The following PCMTD1 variants were observed in gnomAD, a reference collection of about 807,000 sequenced individuals.
PCMTD1 encodes the protein protein-L-isoaspartate (D-aspartate) O-methyltransferase domain containing 1.
PCMTD1 carries 12 observed loss-of-function variants against 37.6 expected under a neutral mutation model. The observed-to-expected ratio is 0.32, with a 90% CI of 0.20 to 0.52. PCMTD1 has a LOEUF of 0.52. PCMTD1 is among the 20% of genes least tolerant of loss of function. The probability of loss-of-function intolerance (pLI) is 0.97; values close to 1 mark genes in which losing one functional copy is unlikely to be tolerated. For missense variants in PCMTD1, 235 were observed against 421.3 expected, an observed-to-expected ratio of 0.56 and a Z score of 3.87; for synonymous variants, 117 against 135.8, an observed-to-expected ratio of 0.86 and a Z score of 0.96.
intron 5 of PCMTD1, among the ~76,000 whole-genome samples, chr8:51,825,979 A>G (rs1440820977): frequency 6.6e-6 from 1 of 152,210 alleles, no homozygotes; most frequent in Admixed American, 6.5e-5. Flanking sequence ...ATCTAGAACT[A>G]GAAATAACAT....
At chr8:51,844,838 T>G (rs2038195705) in intron 3 of PCMTD1, 1 of 152,198 alleles carries the variant, frequency 6.6e-6, no homozygotes. Flanking sequence ...GAGGGCCAAC[T>G]CCCAACAAGC....
chr8:51,830,607 G>T (rs1459684931), intron 5 of PCMTD1, among the ~76,000 whole-genome samples: 1 of 152,114 alleles, frequency 6.6e-6, no homozygotes, highest in Non-Finnish European at 1.5e-5. Context: ...TGGCCTGCCT[G>T]CCTTTTTTTC....
chr8:51,894,002 TCAAAA>T (rs2038968760), intron 1 of PCMTD1, among the ~76,000 whole-genome samples: 1 of 152,202 alleles, frequency 6.6e-6, no homozygotes, highest in Admixed American at 6.5e-5. Flanking sequence ...GTTAGAGTAC[TCAAAA>T]CAAATTTAGA....
chr8:51,872,085 G>A (rs955652211), intron 1 of PCMTD1, among the ~76,000 whole-genome samples: 18 of 152,134 alleles, frequency 1.2e-4, no homozygotes, highest in African/African-American at 2.9e-4. Flanking sequence ...CAGTTTTAGC[G>A]TATAATATTT....
intron 1 of PCMTD1, among the ~76,000 whole-genome samples, chr8:51,895,009 T>C (rs1224152782): frequency 6.6e-6 from 1 of 152,160 alleles, no homozygotes; most frequent in Non-Finnish European, 1.5e-5. Flanking sequence ...AATCTGAAGC[T>C]TGGGAATGAA....
At chr8:51,854,875 T>A in intron 2 of PCMTD1, among the ~76,000 whole-genome samples, 1 of 128,772 alleles carries the variant, frequency 7.8e-6, no homozygotes, top group Non-Finnish European at 1.6e-5. Context: ...ACAAGACTTG[T>A]CTCAAAAAAA....
chr8:51,834,062 T>C (rs1231781328), intron 3 of PCMTD1, among the ~76,000 whole-genome samples: 2 of 152,180 alleles, frequency 1.3e-5, no homozygotes, highest in Admixed American at 6.5e-5. Context: ...TCACTTTGCA[T>C]TGTCCTTTCC....
At chr8:51,823,669 G>A (rs1391505750) in intron 5 of PCMTD1, among the ~76,000 whole-genome samples, 1 of 152,118 alleles carries the variant, frequency 6.6e-6, no homozygotes, top group Non-Finnish European at 1.5e-5. Context: ...AATAGAAAAA[G>A]AAGGAATCCT....
chr8:51,898,245 C>A (rs2129297740), intron 1 of PCMTD1, among the ~76,000 whole-genome samples: 1 of 152,186 alleles, frequency 6.6e-6, no homozygotes, highest in Non-Finnish European at 1.5e-5. Flanking sequence ...ATAGAAGTTC[C>A]AAAAAATCTT....
intron 1 of PCMTD1, among the ~76,000 whole-genome samples, chr8:51,867,193 A>G (rs2038566866): frequency 6.6e-6 from 1 of 152,110 alleles, no homozygotes; most frequent in Non-Finnish European, 1.5e-5. Context: ...AAAGATAACA[A>G]GTATTGGCAA....
At chr8:51,848,313 G>C (rs540511257) in intron 2 of PCMTD1, among the ~76,000 whole-genome samples, 6 of 147,676 alleles carry the variant, frequency 4.1e-5, no homozygotes, top group Non-Finnish European at 3.0e-5. Flanking sequence ...AGAAGAGAGA[G>C]AGAGAAAAAA....
At chr8:51,853,022 C>T (rs1473460367) in intron 2 of PCMTD1, among the ~76,000 whole-genome samples, 1 of 152,196 alleles carries the variant, frequency 6.6e-6, no homozygotes, top group African/African-American at 2.4e-5. Context: ...CAGAGCTCAG[C>T]TGCCGGACCT....
intron 2 of PCMTD1, among the ~76,000 whole-genome samples, chr8:51,854,856 T>C (rs1170836171): frequency 3.1e-5 from 4 of 130,302 alleles, no homozygotes; most frequent in Non-Finnish European, 6.5e-5. Context: ...CAGCCTGGGC[T>C]CTGACAGAAC....
intron 5 of PCMTD1, among the ~76,000 whole-genome samples, chr8:51,821,089 G>T (rs2037841370): frequency 6.8e-6 from 1 of 146,032 alleles, no homozygotes; most frequent in Non-Finnish European, 1.5e-5. Flanking sequence ...TAAATCATAT[G>T]AAAAGTACTA....
chr8:51,873,761 T>C (rs1011986940), intron 1 of PCMTD1, among the ~76,000 whole-genome samples: 1 of 152,120 alleles, frequency 6.6e-6, no homozygotes, highest in Non-Finnish European at 1.5e-5. Flanking sequence ...CCGAGTCACC[T>C]TCCAGCATGA....
chr8:51,833,959 A>G (rs2129276607), intron 3 of PCMTD1, among the ~76,000 whole-genome samples: 1 of 152,310 alleles, frequency 6.6e-6, no homozygotes, highest in Admixed American at 6.5e-5. Flanking sequence ...AGAAGTAAAT[A>G]TAATGAAAAG....
At chr8:51,870,326 T>G (rs1298392366) in intron 1 of PCMTD1, 2 of 152,216 alleles carry the variant, frequency 1.3e-5, no homozygotes, top group African/African-American at 4.8e-5. Flanking sequence ...ATGGGATTCA[T>G]GGACCAAGCC....
intron 2 of PCMTD1, among the ~76,000 whole-genome samples, chr8:51,860,242 C>A (rs542315526): frequency 2.0e-5 from 3 of 152,214 alleles, no homozygotes; most frequent in Non-Finnish European, 4.4e-5. Flanking sequence ...TACACACATA[C>A]TGCTTTAAAC....
intron 1 of PCMTD1, among the ~76,000 whole-genome samples, chr8:51,870,054 T>G (rs1563355680): frequency 1.3e-5 from 2 of 152,192 alleles, no homozygotes; most frequent in Non-Finnish European, 2.9e-5. Flanking sequence ...GATTAAGCAC[T>G]GACAAGTTAA....
Sources: gnomAD v4.1 joint callset for allele counts (sites outside exome capture counted in the v4.1 genomes callset) on GRCh38, gnomAD v4.1.1 for gene constraint, MANE v1.5 for transcripts, NCBI Gene and HGNC (gene_info 2026-07-23, HGNC 2026-07-21) for gene names.